The following RBM6 variants were observed in gnomAD, a reference collection of about 807,000 sequenced individuals.
RBM6 encodes RNA-binding protein 6.
Under a neutral mutation model 140.4 loss-of-function variants are expected in RBM6, and 23 were observed. The observed-to-expected ratio is 0.16, with a 90% CI of 0.12 to 0.23. RBM6 has a LOEUF of 0.23. RBM6 is among the 10% of genes least tolerant of loss of function. RBM6 has a pLI of 1.00. For synonymous variants in RBM6, 439 were observed against 475.6 expected (o/e 0.92, Z 1.00); for missense variants, 1,139 against 1,386.7 (o/e 0.82, Z 2.84).
At chr3:49,980,197 G>A (rs1375453721) in intron 5 of RBM6, among the ~76,000 whole-genome samples, 1 of 151,540 alleles carries the variant, frequency 6.6e-6, no homozygotes, top group Non-Finnish European at 1.5e-5. Context: ...TAGCGACAGG[G>A]TTGCGCCATG....
chr3:50,012,877 G>A lies in RBM6; in HGVS notation c.1557+13364G>A, dbSNP rs1184134289. On this transcript the variant is annotated intron_variant, in intron 6 of 20. Transcript: ENST00000266022. ...CCTGCCTCAGCCTCCCAAGTAATTG[G>A]GATTACAGCCATGCGCCACCACGCC... is the stretch of plus-strand genomic sequence containing the variant. 1.5e-4 allele frequency among the ~76,000 whole-genome samples: 23 copies of A among 151,586 alleles called. 1 individual carries two copies.
intron 6 of RBM6, among the ~76,000 whole-genome samples, chr3:50,007,259 C>T (rs1433776027): frequency 1.4e-5 from 2 of 146,410 alleles, no homozygotes; most frequent in Non-Finnish European, 1.5e-5. Context: ...TGCAGTGGTG[C>T]GATCTCGGCT....
intron 6 of RBM6, among the ~76,000 whole-genome samples, chr3:50,004,042 T>C (rs2086461681): frequency 6.6e-6 from 1 of 152,204 alleles, no homozygotes; most frequent in Non-Finnish European, 1.5e-5. Context: ...TGTGTTAAAA[T>C]GTTAATCCCT....
At chr3:49,951,114 A>G (rs543765884) in intron 1 of RBM6, among the ~76,000 whole-genome samples, 2 of 152,328 alleles carry the variant, frequency 1.3e-5, no homozygotes, top group South Asian at 2.1e-4. Flanking sequence ...GACAAATACC[A>G]TATAATTTCA....
At chr3:49,944,565 T>G (rs1400914029) in intron 1 of RBM6, among the ~76,000 whole-genome samples, 1 of 149,800 alleles carries the variant, frequency 6.7e-6, no homozygotes, top group Admixed American at 6.8e-5. Flanking sequence ...AACCTCTGCC[T>G]CCTGGGTTCA....
chr3:50,035,697 A>C (rs2088493794), intron 6 of RBM6, among the ~76,000 whole-genome samples: 1 of 152,020 alleles, frequency 6.6e-6, no homozygotes, highest in Non-Finnish European at 1.5e-5. Flanking sequence ...AAAATAAATA[A>C]AAAAGAAACT....
chr3:49,984,317 G>A (rs1466024021), intron 5 of RBM6, among the ~76,000 whole-genome samples: 1 of 151,880 alleles, frequency 6.6e-6, no homozygotes, highest in African/African-American at 2.4e-5. Flanking sequence ...AAATAAAATG[G>A]TGAATGTAAA....
At chr3:49,964,036 G>A (rs1287384040) in intron 2 of RBM6, among the ~76,000 whole-genome samples, 3 of 152,054 alleles carry the variant, frequency 2.0e-5, no homozygotes, top group Non-Finnish European at 4.4e-5. Context: ...GAGTAGCTGG[G>A]ACTACAGGTG....
chr3:50,028,678 C>T (rs939709251), intron 6 of RBM6, among the ~76,000 whole-genome samples: 2 of 152,144 alleles, frequency 1.3e-5, no homozygotes, highest in Non-Finnish European at 2.9e-5. Flanking sequence ...AACAGATGTC[C>T]TCATTAGATT....
chr3:50,007,796 G>A (rs1156615799), intron 6 of RBM6, among the ~76,000 whole-genome samples: 1 of 152,166 alleles, frequency 6.6e-6, no homozygotes, highest in Admixed American at 6.6e-5. Flanking sequence ...GCCTCCCAAA[G>A]TGCTGGGATT....
chr3:49,968,378 A>AT lies in RBM6; in HGVS notation c.954dup (p.Asp319Ter), dbSNP rs1559535338. ...GTGAACAGGAGAGAAGAATCCACAC[A>AT]TGACCATACGATAGAAAGGCCTGCT... On this transcript the variant is annotated frameshift_variant, in exon 3 of 21. Transcript: ENST00000266022. LOFTEE classifies it high-confidence loss of function. 5 of 1,614,228 alleles carry AT rather than the reference A, an allele frequency of 3.1e-6. No individual in the cohort carries two copies. The South Asian group carries it at 4.4e-5, about 14-fold the overall frequency.
chr3:50,031,841 AT>A (rs2088186011), intron 6 of RBM6, among the ~76,000 whole-genome samples: 1 of 152,178 alleles, frequency 6.6e-6, no homozygotes, highest in Admixed American at 6.5e-5. Flanking sequence ...GCAGAGTATA[AT>A]TTGATTGGTT....
Position 50,030,286 on chromosome 3 carries a change from T to TAA in RBM6, c.1558-17933_1558-17932dup, listed in dbSNP as rs57797585. 3.1e-3 allele frequency among the ~76,000 whole-genome samples: 322 copies of TAA among 103,858 alleles called. 5 individuals carry two copies. The highest frequency in any genetic ancestry group is 8.9e-3 in the African/African-American group (225 of 25,422). The allele number at this position is 103,858 out of a possible 152,430, so 68.1% of individuals were successfully genotyped here. A position where few individuals can be genotyped will look rare whatever the true frequency, so the allele number is the denominator to read the frequency against. On this transcript the variant is annotated intron_variant, in intron 6 of 20. Transcript: ENST00000266022. ...TGACAGAGTGAGACTCTTTTTGTCT[T>TAA]AAAAAAAAAAAAAAAAAAAAAAAAA...
intron 1 of RBM6, among the ~76,000 whole-genome samples, chr3:49,945,936 C>A (rs1426039880): frequency 6.8e-6 from 1 of 147,972 alleles, no homozygotes; most frequent in Non-Finnish European, 1.5e-5. Flanking sequence ...CTTAATCCAG[C>A]AGGACTGCTG....
intron 5 of RBM6, among the ~76,000 whole-genome samples, chr3:49,997,187 G>A (rs1438405832): frequency 6.6e-6 from 1 of 151,344 alleles, no homozygotes; most frequent in Non-Finnish European, 1.5e-5. Context: ...AACGTTTTAG[G>A]CAGTATAGTT....
At position 50,066,301 on chromosome 3, in the gene RBM6, T is replaced by C. The variant is rs140749335; in HGVS notation, c.2742T>C (p.Tyr914=). 6 of 1,613,924 alleles carry C rather than the reference T, an allele frequency of 3.7e-6. No homozygotes were observed. In the African/African-American group the frequency reaches 4.0e-5, roughly 11 times the overall value. The change falls in exon 17 of 21, where the codon TAT becomes TAC. Residue 914 remains tyrosine, a synonymous_variant. Coordinates refer to ENST00000266022, the MANE Select transcript of RBM6 (RefSeq NM_005777.3). ...LLGEYGGDSD[Y]EEEEEEEQTP... ...GTGAATATGGAGGAGACAGTGACTA[T>C]GAGGAGGAAGAAGAGGAGGAACAGA...
chr3:50,064,911 A>T (rs1298353322), intron 15 of RBM6, 120 bp from the exon 16 acceptor site: 1 of 710,460 alleles, frequency 1.4e-6, no homozygotes, highest in Admixed American at 2.5e-5. Context: ...TGACGTTGTG[A>T]TCCACCTGCC....
intron 5 of RBM6, among the ~76,000 whole-genome samples, chr3:49,979,520 A>G (rs1559547657): frequency 2.0e-5 from 3 of 150,484 alleles, no homozygotes; most frequent in Non-Finnish European, 3.0e-5. Flanking sequence ...GCTCACTGCA[A>G]CCTCCATCTC....
intron 6 of RBM6, among the ~76,000 whole-genome samples, chr3:50,030,691 C>A (rs1455995425): frequency 2.0e-5 from 3 of 152,182 alleles, no homozygotes; most frequent in Non-Finnish European, 4.4e-5. Context: ...TCCAGGCTTT[C>A]TTATGGTGGT....
Sources: gnomAD v4.1 joint callset for allele counts (sites outside exome capture counted in the v4.1 genomes callset) on GRCh38, gnomAD v4.1.1 for gene constraint, MANE v1.5 for transcripts, NCBI Gene and HGNC (gene_info 2026-07-23, HGNC 2026-07-21) for gene names.